Variants in AKAP12 observed in about 807,000 individuals in gnomAD.
The protein encoded by AKAP12 is A-kinase anchoring protein 12, also known as A-kinase anchor protein 12.
In AKAP12, 32 loss-of-function variants were observed where a neutral mutation model predicts 79.9. The observed-to-expected ratio is 0.40, with a 90% CI of 0.30 to 0.54. The LOEUF is 0.54. AKAP12 is among the 20% of genes least tolerant of loss of function. The probability of loss-of-function intolerance (pLI) is 0.48; values close to 1 mark genes in which losing one functional copy is unlikely to be tolerated. For synonymous variants in AKAP12, 808 were observed against 857.0 expected (o/e 0.94, Z 1.00); for missense variants, 2,074 against 2,177.0 (o/e 0.95, Z 0.94).
At chr6:151,293,543 G>A (rs1018660043) in intron 2 of AKAP12, among the ~76,000 whole-genome samples, 1 of 152,196 alleles carries the variant, frequency 6.6e-6, no homozygotes, top group African/African-American at 2.4e-5. Flanking sequence ...GGGTGGTGGG[G>A]AACTTGTCTT....
At position 151,350,891 on chromosome 6, in the gene AKAP12, A is replaced by G. The variant is rs1345655617; in HGVS notation, c.2500A>G (p.Thr834Ala). 1.9e-6 allele frequency: 3 copies of G among 1,613,980 alleles called. No homozygotes were observed. The African/African-American group carries it at 4.0e-5, about 22-fold the overall frequency. The change falls in exon 4 of 5, where the codon ACA becomes GCA. Residue 834 changes from threonine (T) to alanine (A), a missense_variant. By Grantham distance (58) the Thr-to-Ala change is moderately conservative. This residue lies in a region of AKAP12 where 1,428 missense variants were observed against 1,451.0 expected (regional missense o/e 0.98). Coordinates refer to ENST00000402676, the MANE Select transcript of AKAP12 (RefSeq NM_005100.4). This position sits in a 1 kb window ranked among gnomAD's most constrained non-coding sequence, Gnocchi z 4.8. ...AGCCCCTGTTGAAGACGCAGGGCCA[A>G]CAGGGGCCAACGAAGATGACTCTGA... is the stretch of plus-strand genomic sequence containing the variant. ...EQAPVEDAGP[T>A]GANEDDSDVP...
intron 2 of AKAP12, among the ~76,000 whole-genome samples, chr6:151,277,337 G>A (rs1454502220): frequency 1.3e-5 from 2 of 152,110 alleles, no homozygotes; most frequent in Non-Finnish European, 2.9e-5. Context: ...ATCTTTTGGG[G>A]GAGAGGAGTA....
At chr6:151,295,449 G>T (rs1041257934) in intron 2 of AKAP12, among the ~76,000 whole-genome samples, 2 of 152,118 alleles carry the variant, frequency 1.3e-5, no homozygotes, top group African/African-American at 4.8e-5. Context: ...GGGATTTGTA[G>T]ACAGTGGCGA....
At chr6:151,270,594 G>C (rs1776161668) in intron 2 of AKAP12, among the ~76,000 whole-genome samples, 1 of 152,136 alleles carries the variant, frequency 6.6e-6, no homozygotes, top group Non-Finnish European at 1.5e-5. Flanking sequence ...TTAACCTCTT[G>C]AGGAACTGGC....
chr6:151,291,340 G>A (rs887897709), intron 2 of AKAP12, among the ~76,000 whole-genome samples: 2 of 152,186 alleles, frequency 1.3e-5, no homozygotes, highest in Non-Finnish European at 2.9e-5. Context: ...CAGCTGATGA[G>A]TGGCTTAGCT....
chr6:151,341,049 TTTTTTTTC>T (rs1777931848), intron 3 of AKAP12, among the ~76,000 whole-genome samples: 2 of 116,470 alleles, frequency 1.7e-5, no homozygotes, highest in African/African-American at 1.1e-4. Flanking sequence ...TTTTTGTTTC[TTTTTTTTC>T]TTTTTTTTTT....
chr6:151,250,444 A>AAGCCGAG, intron 2 of AKAP12, among the ~76,000 whole-genome samples: 1 of 151,080 alleles, frequency 6.6e-6, no homozygotes. Flanking sequence ...GCTTGCAGTG[A>AAGCCGAG]AGCCGAGATT....
chr6:151,276,297 G>A (rs1776290860), intron 2 of AKAP12, among the ~76,000 whole-genome samples: 1 of 152,180 alleles, frequency 6.6e-6, no homozygotes, highest in Non-Finnish European at 1.5e-5. Context: ...AAGGTGTCCT[G>A]GTGGTTATAG....
At chr6:151,304,321 T>C (rs1776926970) in intron 2 of AKAP12, among the ~76,000 whole-genome samples, 1 of 151,106 alleles carries the variant, frequency 6.6e-6, no homozygotes, top group South Asian at 2.1e-4. Flanking sequence ...AAACCACGTC[T>C]CTACTAAAAA....
intron 3 of AKAP12, among the ~76,000 whole-genome samples, chr6:151,326,814 G>C (rs1279688544): frequency 7.7e-5 from 8 of 103,450 alleles, no homozygotes; most frequent in African/African-American, 4.2e-4. Flanking sequence ...TTTTTTGTTT[G>C]TTTGTTTTTT....
chr6:151,356,911 TC>T lies in AKAP12; in HGVS notation c.*1198del, dbSNP rs1778455868. 6.6e-6 allele frequency: 1 copy of T among 152,192 alleles called. No homozygotes were observed. The highest frequency in any genetic ancestry group is 2.4e-5 in the African/African-American group (1 of 41,454). The allele number at this position is 152,192 out of a possible 1,614,324, so 9.4% of individuals were successfully genotyped here. On this transcript the variant is annotated 3_prime_UTR_variant, in exon 5 of 5. Coordinates refer to ENST00000402676, the MANE Select transcript of AKAP12 (RefSeq NM_005100.4). ...AACCCCTTGTCACTGGTTTGTGTGT[TC>T]AGAGGAAGCCATGGCCGAGATAGCT...
intron 2 of AKAP12, among the ~76,000 whole-genome samples, chr6:151,245,833 A>G (rs1797064124): frequency 6.6e-6 from 1 of 152,210 alleles, no homozygotes; most frequent in Non-Finnish European, 1.5e-5. Context: ...TTTGAAGCCA[A>G]TATGATGGCT....
intron 3 of AKAP12, chr6:151,323,761 A>C (rs1361392371): frequency 1.0e-6 from 1 of 985,250 alleles, no homozygotes. Context: ...CAGTGTTAGA[A>C]TTTGGACTGA....
intron 2 of AKAP12, among the ~76,000 whole-genome samples, chr6:151,271,110 T>G (rs78908317): frequency 0.14 from 21,365 of 152,130 alleles, 1,561 homozygotes; most frequent in East Asian, 0.19. Flanking sequence ...CCACCAAATA[T>G]GCCGAAGCAG....
chr6:151,273,697 G>C (rs1386373277), intron 2 of AKAP12, among the ~76,000 whole-genome samples: 1 of 152,136 alleles, frequency 6.6e-6, no homozygotes, highest in Non-Finnish European at 1.5e-5. Flanking sequence ...ATATTTAATG[G>C]AAAAAGAATG....
chr6:151,350,155 G>A lies in AKAP12; in HGVS notation c.1764G>A (p.Gln588=). ...AAAAGGGCTTAGCCGAGGTGCAGCA[G>A]GATGGGGAAGCTGAAGAAGGAGCTA... ...CLEKGLAEVQ[Q]DGEAEEGATS... The change falls in exon 4 of 5, where the codon CAG becomes CAA. Residue 588 remains glutamine, a synonymous_variant. Coordinates refer to ENST00000402676, the MANE Select transcript of AKAP12 (RefSeq NM_005100.4). The surrounding 1 kb of genome is among the most constrained non-coding windows in gnomAD (Gnocchi z 4.8). The A allele has an allele frequency of 1.2e-6, 2 of 1,614,062 alleles. No individual in the cohort carries two copies. Among genetic ancestry groups the A allele is most frequent in the East Asian group, 2.2e-5 (1 of 44,856 alleles).
chr6:151,338,687 G>T (rs1229420210), intron 3 of AKAP12, among the ~76,000 whole-genome samples: 13 of 152,150 alleles, frequency 8.5e-5, no homozygotes, highest in Admixed American at 8.5e-4. Context: ...CTGACTCCAG[G>T]TGATCCGTCT....
intron 2 of AKAP12, among the ~76,000 whole-genome samples, chr6:151,302,232 G>A (rs1193365700): frequency 2.0e-5 from 3 of 151,898 alleles, no homozygotes; most frequent in East Asian, 1.9e-4. Context: ...GGATGGTCTC[G>A]ATCTCCTGCC....
Position 151,255,449 on chromosome 6 carries a change from C to T in AKAP12, c.162+14725C>T, listed in dbSNP as rs535203523. On this transcript the variant is annotated intron_variant, in intron 2 of 4. Transcript: ENST00000402676. Reference sequence around the variant, plus strand: ...GTGCTGGGATTACAGGCGTGAGCCACCGCGCCTGGCTGGGATTGATAAATG... The same window carrying T: ...GTGCTGGGATTACAGGCGTGAGCCATCGCGCCTGGCTGGGATTGATAAATG... Among the ~76,000 whole-genome samples the T allele has an allele frequency of 7.9e-5, 12 of 152,160 alleles. No homozygotes were observed. In the South Asian group the frequency reaches 2.3e-3, roughly 29 times the overall value.
Sources: allele counts gnomAD v4.1 joint callset (sites outside exome capture counted in the v4.1 genomes callset), GRCh38; gene constraint gnomAD v4.1.1; regional missense constraint gnomAD v4.1.1; non-coding constraint Gnocchi (gnomAD v3.1); transcripts MANE v1.5; gene names NCBI Gene and HGNC (gene_info 2026-07-23, HGNC 2026-07-21).